The following ERBB4 variants were observed in gnomAD, a reference collection of about 807,000 sequenced individuals.
ERBB4 encodes receptor tyrosine-protein kinase erbB-4.
A neutral mutation model predicts 158.0 loss-of-function variants in ERBB4; 42 were observed. The ratio of observed to expected loss-of-function variants is 0.27; its 90% CI spans 0.21 to 0.34. The LOEUF (loss-of-function observed/expected upper bound fraction) is 0.34. ERBB4 is among the 10% of genes least tolerant of loss of function. ERBB4 has a pLI of 1.00. For missense variants in ERBB4, 1,333 were observed against 1,624.1 expected (o/e 0.82, Z 3.08); for synonymous variants, 583 against 558.7 (o/e 1.04, Z -0.61).
At chr2:212,186,339 T>C (rs1389574105) in intron 1 of ERBB4, among the ~76,000 whole-genome samples, 1 of 152,194 alleles carries the variant, frequency 6.6e-6, no homozygotes, top group Non-Finnish European at 1.5e-5. Flanking sequence ...TTCTGTGTGA[T>C]TTAGCTAGTC....
chr2:211,434,944 C>A (rs1479306532), intron 20 of ERBB4, among the ~76,000 whole-genome samples: 1 of 152,188 alleles, frequency 6.6e-6, no homozygotes, highest in Non-Finnish European at 1.5e-5. Flanking sequence ...TACTTTCACA[C>A]ACTGAGAGTG....
chr2:212,088,382 G>A (rs2125486296), intron 2 of ERBB4, among the ~76,000 whole-genome samples: 1 of 152,202 alleles, frequency 6.6e-6, no homozygotes, highest in Middle Eastern at 3.4e-3. Context: ...ATTAAACAGT[G>A]CTACTGGAAG....
chr2:211,971,249 T>C (rs1431868709), intron 2 of ERBB4, among the ~76,000 whole-genome samples: 1 of 152,186 alleles, frequency 6.6e-6, no homozygotes, highest in East Asian at 1.9e-4. Context: ...GCTCTGCAGT[T>C]AGTCTGACTG....
At chr2:212,127,355 G>A (rs903164192) in intron 1 of ERBB4, among the ~76,000 whole-genome samples, 1 of 152,184 alleles carries the variant, frequency 6.6e-6, no homozygotes, top group Non-Finnish European at 1.5e-5. Context: ...CACTTTGGGA[G>A]GCCAAGGTGG....
At chr2:212,311,818 A>T (rs2087056845) in intron 1 of ERBB4, among the ~76,000 whole-genome samples, 1 of 151,090 alleles carries the variant, frequency 6.6e-6, no homozygotes, top group Non-Finnish European at 1.5e-5. Context: ...ATTAGATGAC[A>T]TCAAACTAAC....
At chr2:212,260,654 A>G (rs1192538049) in intron 1 of ERBB4, among the ~76,000 whole-genome samples, 1 of 152,216 alleles carries the variant, frequency 6.6e-6, no homozygotes, top group Non-Finnish European at 1.5e-5. Flanking sequence ...CTCTACTAAA[A>G]ATACAAAAAT....
chr2:211,594,810 C>T (rs1371444200), intron 19 of ERBB4, among the ~76,000 whole-genome samples: 1 of 151,800 alleles, frequency 6.6e-6, no homozygotes, highest in African/African-American at 2.4e-5. Flanking sequence ...TTTATGTATT[C>T]TTTCATTCCC....
chr2:211,676,301 T>C (rs1476170221), intron 13 of ERBB4, among the ~76,000 whole-genome samples: 2 of 152,176 alleles, frequency 1.3e-5, no homozygotes, highest in African/African-American at 4.8e-5. Flanking sequence ...TTTCCTGGGG[T>C]GCCATAATTA....
intron 20 of ERBB4, among the ~76,000 whole-genome samples, chr2:211,447,148 A>C (rs1366460897): frequency 6.6e-6 from 1 of 152,150 alleles, no homozygotes; most frequent in Non-Finnish European, 1.5e-5. Flanking sequence ...ATTCCTTTAC[A>C]ATTATGATCA....
rs2092351589 is a variant in ERBB4, at chr2:212,446,577, C to CTATATATATATA, written c.82+91871_82+91872insTATATATATATA. 8.3e-5 allele frequency among the ~76,000 whole-genome samples: 3 copies of CTATATATATATA among 36,034 alleles called. 1 individual carries two copies. The highest frequency in any genetic ancestry group is 1.9e-4 in the Non-Finnish European group (3 of 16,054). The allele number at this position is 36,034 out of a possible 152,430, so 23.6% of individuals were successfully genotyped here. A position where few individuals can be genotyped will look rare whatever the true frequency, so the allele number is the denominator to read the frequency against. On this transcript the variant is annotated intron_variant, in intron 1 of 27. Coordinates refer to ENST00000342788, the MANE Select transcript of ERBB4 (RefSeq NM_005235.3). ...ATGTAAGTTAATACTTAATAAACTCCCATATATATATATGTATATATATAT... is the reference window on the plus strand; with the variant it reads ...ATGTAAGTTAATACTTAATAAACTCCTATATATATATACATATATATATATGTATATATATAT...
At chr2:211,851,007 C>A (rs1436014416) in intron 3 of ERBB4, among the ~76,000 whole-genome samples, 1 of 151,938 alleles carries the variant, frequency 6.6e-6, no homozygotes, top group Non-Finnish European at 1.5e-5. Context: ...ATAGTCAATA[C>A]AACTGATAAT....
At chr2:211,633,622 T>A (rs1279434347) in intron 16 of ERBB4, among the ~76,000 whole-genome samples, 2 of 147,498 alleles carry the variant, frequency 1.4e-5, no homozygotes, top group Non-Finnish European at 3.0e-5. Flanking sequence ...TTCTCACTAG[T>A]TTTTTCTTCT....
intron 2 of ERBB4, among the ~76,000 whole-genome samples, chr2:212,055,525 C>T (rs2077533470): frequency 6.6e-6 from 1 of 152,244 alleles, no homozygotes; most frequent in South Asian, 2.1e-4. Flanking sequence ...GGGAGGCACC[C>T]TCCAGTAGGG....
chr2:212,017,362 T>C (rs1407745952), intron 2 of ERBB4, among the ~76,000 whole-genome samples: 1 of 152,132 alleles, frequency 6.6e-6, no homozygotes, highest in Non-Finnish European at 1.5e-5. Flanking sequence ...TATTTCAGTA[T>C]AACCCAAAAC....
At chr2:211,639,868 C>A (rs1056343663) in intron 16 of ERBB4, among the ~76,000 whole-genome samples, 4 of 151,342 alleles carry the variant, frequency 2.6e-5, no homozygotes, top group Admixed American at 6.8e-5. Context: ...ATTACAGGCA[C>A]CCCCCCACCA....
At chr2:212,291,353 G>C (rs2086199153) in intron 1 of ERBB4, among the ~76,000 whole-genome samples, 1 of 151,974 alleles carries the variant, frequency 6.6e-6, no homozygotes, top group South Asian at 2.1e-4. Context: ...TGATAGTCCT[G>C]AATATATTTT....
At chr2:211,624,358 TAG>T (rs746336245) in intron 17 of ERBB4, among the ~76,000 whole-genome samples, 1 of 151,922 alleles carries the variant, frequency 6.6e-6, no homozygotes, top group Non-Finnish European at 1.5e-5. Context: ...GCTGCCTTCT[TAG>T]AGCTTAAAAT....
At chr2:212,148,932 G>A (rs937635382) in intron 1 of ERBB4, among the ~76,000 whole-genome samples, 10 of 137,430 alleles carry the variant, frequency 7.3e-5, no homozygotes, top group Non-Finnish European at 1.4e-4. Flanking sequence ...ACCAAACACC[G>A]CATATTCTCA....
intron 3 of ERBB4, among the ~76,000 whole-genome samples, chr2:211,828,206 A>C (rs978662235): frequency 1.3e-5 from 2 of 152,216 alleles, no homozygotes; most frequent in African/African-American, 2.4e-5. Flanking sequence ...TCAGTGTTCT[A>C]TCAGTATTTC....
Sources: allele counts gnomAD v4.1 joint callset (sites outside exome capture counted in the v4.1 genomes callset), GRCh38; gene constraint gnomAD v4.1.1; transcripts MANE v1.5; gene names NCBI Gene and HGNC (gene_info 2026-07-23, HGNC 2026-07-21).